Variants in DGKB observed in about 807,000 individuals in gnomAD.
The protein encoded by DGKB is 90 kDa diacylglycerol kinase.
Under a neutral mutation model 114.3 loss-of-function variants are expected in DGKB, and 67 were observed. That is an observed-to-expected ratio of 0.59 (90% CI 0.48 to 0.72). The LOEUF is 0.72. DGKB is among the 30% of genes least tolerant of loss of function. The pLI is 0.00. For synonymous variants in DGKB, 398 were observed against 323.1 expected, an observed-to-expected ratio of 1.23 and a Z score of -2.49; for missense variants, 907 against 975.2, an observed-to-expected ratio of 0.93 and a Z score of 0.93.
At chr7:14,823,165 G>A (rs1845185889) in intron 2 of DGKB, among the ~76,000 whole-genome samples, 1 of 151,718 alleles carries the variant, frequency 6.6e-6, no homozygotes, top group South Asian at 2.1e-4. Flanking sequence ...GAAACAGTGA[G>A]ATTTCTATAT....
At chr7:14,914,768 T>C (rs754264545) in intron 1 of DGKB, among the ~76,000 whole-genome samples, 12 of 151,882 alleles carry the variant, frequency 7.9e-5, no homozygotes, top group Non-Finnish European at 1.8e-4. Flanking sequence ...GTAGACAACA[T>C]TCAAGAACAG....
intron 17 of DGKB, among the ~76,000 whole-genome samples, chr7:14,601,650 C>T (rs1803569939): frequency 6.6e-6 from 1 of 152,166 alleles, no homozygotes; most frequent in African/African-American, 2.4e-5. Flanking sequence ...CAACACTTTG[C>T]TTAGAGATTT....
chr7:14,785,204 T>C (rs1586489723), intron 2 of DGKB, among the ~76,000 whole-genome samples: 1 of 152,226 alleles, frequency 6.6e-6, no homozygotes, highest in African/African-American at 2.4e-5. Flanking sequence ...AGTAATGTTA[T>C]ATAAAATATG....
chr7:14,556,859 C>T (rs935326707), intron 20 of DGKB, among the ~76,000 whole-genome samples: 1 of 152,124 alleles, frequency 6.6e-6, no homozygotes, highest in African/African-American at 2.4e-5. Flanking sequence ...ATTGGAGAAA[C>T]TTTCCCTTTT....
At chr7:14,921,814 G>A (rs1784520685) in intron 1 of DGKB, among the ~76,000 whole-genome samples, 1 of 152,154 alleles carries the variant, frequency 6.6e-6, no homozygotes, top group South Asian at 2.1e-4. Context: ...CCTAAAAACT[G>A]TGGATGTCTT....
chr7:14,421,220 C>T (rs1826640203), intron 21 of DGKB, among the ~76,000 whole-genome samples: 2 of 152,024 alleles, frequency 1.3e-5, no homozygotes, highest in Non-Finnish European at 2.9e-5. Context: ...GTATTTTCAC[C>T]TTAATAAATC....
intron 2 of DGKB, among the ~76,000 whole-genome samples, chr7:14,791,611 G>T (rs1298206136): frequency 6.6e-6 from 1 of 152,046 alleles, no homozygotes; most frequent in African/African-American, 2.4e-5. Context: ...TATCAGAGAA[G>T]TTTTGTTTCT....
At chr7:14,652,181 C>G (rs868208296) in intron 13 of DGKB, among the ~76,000 whole-genome samples, 9 of 144,994 alleles carry the variant, frequency 6.2e-5, no homozygotes, top group East Asian at 2.1e-4. Flanking sequence ...AAAAAGAGCC[C>G]ACATCACCAA....
intron 13 of DGKB, among the ~76,000 whole-genome samples, chr7:14,659,539 T>C (rs1585423963): frequency 1.3e-5 from 2 of 149,072 alleles, no homozygotes; most frequent in Non-Finnish European, 1.5e-5. Flanking sequence ...TGTTTGTCTG[T>C]TATTGGTGTA....
chr7:14,193,103 A>G (rs563861037), intron 23 of DGKB, among the ~76,000 whole-genome samples: 1 of 151,646 alleles, frequency 6.6e-6, no homozygotes, highest in South Asian at 2.1e-4. Context: ...TACGCGACCC[A>G]GTTCCTAATA....
chr7:14,526,953 A>T (rs1790745424), intron 20 of DGKB, among the ~76,000 whole-genome samples: 1 of 152,122 alleles, frequency 6.6e-6, no homozygotes, highest in Admixed American at 6.6e-5. Flanking sequence ...TATGCTTACA[A>T]ATCCTACTAG....
intron 6 of DGKB, among the ~76,000 whole-genome samples, chr7:14,718,057 CT>C (rs1828512564): frequency 6.6e-6 from 1 of 152,118 alleles, no homozygotes; most frequent in South Asian, 2.1e-4. Flanking sequence ...ATAAATGACA[CT>C]TTCAGGTTTA....
At chr7:14,501,517 A>T (rs1489830241) in intron 20 of DGKB, among the ~76,000 whole-genome samples, 2 of 151,946 alleles carry the variant, frequency 1.3e-5, no homozygotes, top group African/African-American at 2.4e-5. Context: ...CAGCAGGTGG[A>T]GAAACTTGCT....
In DGKB at chr7:14,952,453, T is replaced by G. The variant is rs555586348; in HGVS notation, c.-188+22243A>C. Among the ~76,000 whole-genome samples, 9 of 151,866 alleles carry G rather than the reference T, an allele frequency of 5.9e-5. No homozygotes were observed. The South Asian group carries it at 1.7e-3, about 28-fold the overall frequency. ...TCACTGACATCTAAGAACTCAGAAG[T>G]TTGGCTGGATTCTCTGAAGAAATTA... On this transcript the variant is annotated intron_variant, in intron 1 of 4. Transcript: ENST00000437998.
At chr7:14,776,455 A>C (rs1459647722) in intron 2 of DGKB, among the ~76,000 whole-genome samples, 1 of 152,134 alleles carries the variant, frequency 6.6e-6, no homozygotes, top group South Asian at 2.1e-4. Flanking sequence ...GGTTTCCTGG[A>C]CTGGGCCCAG....
rs1008076263 is a variant in DGKB, at chr7:14,145,588, A to C, written c.*3543T>G. The stretch of plus-strand genomic sequence containing the variant: ...ATTCTTCTGCCTCAGCCTCCCGAGT[A>C]GCTGGGATTACAGGCATGTGCCACC... On this transcript the variant is annotated 3_prime_UTR_variant, in exon 26 of 26. Transcript: ENST00000402815. 6.6e-6 allele frequency: 1 copy of C among 151,966 alleles called. No individual in the cohort carries two copies. Among genetic ancestry groups the C allele is most frequent in the Non-Finnish European group, 1.5e-5 (1 of 68,066 alleles). The allele number at this position is 151,966 out of a possible 1,614,324, so 9.4% of individuals were successfully genotyped here. A position where few individuals can be genotyped will look rare whatever the true frequency, so the allele number is the denominator to read the frequency against.
chr7:14,727,055 T>A (rs1314149387), intron 5 of DGKB, among the ~76,000 whole-genome samples: 1 of 152,198 alleles, frequency 6.6e-6, no homozygotes, highest in East Asian at 1.9e-4. Context: ...CTTATTTCCT[T>A]TTGCTAGAAT....
At chr7:14,717,123 A>G (rs1828327999) in intron 6 of DGKB, among the ~76,000 whole-genome samples, 1 of 152,140 alleles carries the variant, frequency 6.6e-6, no homozygotes, top group Admixed American at 6.6e-5. Flanking sequence ...GCAACTGTAG[A>G]CAAAATCTAT....
At chr7:14,270,600 T>C (rs1404802357) in intron 23 of DGKB, among the ~76,000 whole-genome samples, 1 of 152,226 alleles carries the variant, frequency 6.6e-6, no homozygotes, top group Admixed American at 6.5e-5. Context: ...TGTGGTGCAA[T>C]GATAAATAAA....
Sources: gnomAD v4.1 joint callset for allele counts (sites outside exome capture counted in the v4.1 genomes callset) on GRCh38, gnomAD v4.1.1 for gene constraint, MANE v1.5 for transcripts, NCBI Gene and HGNC (gene_info 2026-07-23, HGNC 2026-07-21) for gene names.